The following FGF14 variants were observed in gnomAD, a reference collection of about 807,000 sequenced individuals.
FGF14 encodes the protein fibroblast growth factor 14.
A neutral mutation model predicts 25.5 loss-of-function variants in FGF14; 5 were observed. The ratio of observed to expected loss-of-function variants is 0.20; its 90% CI spans 0.10 to 0.41. The LOEUF (loss-of-function observed/expected upper bound fraction) is 0.41, where lower values mean the gene tolerates loss of function less well. Ranked by LOEUF, FGF14 falls within the 10% of genes least tolerant of loss-of-function variation. The pLI, the probability that FGF14 is intolerant of heterozygous loss-of-function variation, is 1.00. For missense variants in FGF14, 222 were observed against 320.1 expected, an observed-to-expected ratio of 0.69 and a Z score of 2.34; for synonymous variants, 138 against 118.3, an observed-to-expected ratio of 1.17 and a Z score of -1.08.
chr13:101,788,872 CTA>C (rs56084859), intron 3 of FGF14, among the ~76,000 whole-genome samples: 362 of 26,356 alleles, frequency 0.014, 5 homozygotes, highest in African/African-American at 0.016. Flanking sequence ...CCTTTTTTGA[CTA>C]TATATATATA....
At chr13:102,160,426 G>A (rs907030563) in intron 1 of FGF14, among the ~76,000 whole-genome samples, 4 of 152,156 alleles carry the variant, frequency 2.6e-5, no homozygotes, top group Admixed American at 1.3e-4. Context: ...GGGCTGCTAC[G>A]TCCACTACTG....
chr13:102,023,092 C>A (rs2139879139), intron 1 of FGF14, among the ~76,000 whole-genome samples: 1 of 151,446 alleles, frequency 6.6e-6, no homozygotes, highest in East Asian at 2.0e-4. Context: ...AACAGCCACA[C>A]ACAAAATACG....
At chr13:101,756,695 T>C (rs565656694) in intron 3 of FGF14, among the ~76,000 whole-genome samples, 81 of 152,286 alleles carry the variant, frequency 5.3e-4, no homozygotes, top group Middle Eastern at 3.4e-3. Context: ...ATCGTGCCAC[T>C]GCACTCCAGC....
chr13:102,342,540 G>C (rs2056983387), intron 1 of FGF14, among the ~76,000 whole-genome samples: 2 of 152,008 alleles, frequency 1.3e-5, no homozygotes, highest in South Asian at 4.1e-4. Flanking sequence ...TGCAGCAATG[G>C]CAATGACTAA....
At chr13:102,112,983 GA>G (rs2140329420) in intron 1 of FGF14, among the ~76,000 whole-genome samples, 1 of 152,294 alleles carries the variant, frequency 6.6e-6, no homozygotes, top group South Asian at 2.1e-4. Flanking sequence ...TATTTCTACA[GA>G]AAAGGTCAGA....
At chr13:101,932,252 G>A (rs556756311) in intron 1 of FGF14, among the ~76,000 whole-genome samples, 29 of 152,142 alleles carry the variant, frequency 1.9e-4, no homozygotes, top group Admixed American at 5.2e-4. Context: ...ATTCCAGGCC[G>A]GGTGCAGTGG....
intron 1 of FGF14, among the ~76,000 whole-genome samples, chr13:102,330,786 T>G (rs1042657505): frequency 6.6e-6 from 1 of 152,178 alleles, no homozygotes; most frequent in Non-Finnish European, 1.5e-5. Flanking sequence ...AAGCTTCCGT[T>G]ACCATGTGAC....
intron 3 of FGF14, chr13:101,802,380 T>C: frequency 4.9e-6 from 1 of 203,768 alleles, no homozygotes. Flanking sequence ...TAAAGTTGCC[T>C]GGAAAAAGGT....
At chr13:101,835,781 G>A (rs547675756) in intron 3 of FGF14, among the ~76,000 whole-genome samples, 2 of 152,140 alleles carry the variant, frequency 1.3e-5, no homozygotes, top group South Asian at 4.1e-4. Flanking sequence ...ATGGGAATAA[G>A]TGGATGTGCC....
chr13:101,814,407 C>T (rs1222056528), intron 3 of FGF14, among the ~76,000 whole-genome samples: 1 of 152,206 alleles, frequency 6.6e-6, no homozygotes, highest in Non-Finnish European at 1.5e-5. Flanking sequence ...AAAAATGTAT[C>T]TTCACAATAT....
intron 3 of FGF14, among the ~76,000 whole-genome samples, chr13:101,767,173 GTGA>G (rs1186021068): frequency 1.3e-5 from 2 of 152,156 alleles, no homozygotes; most frequent in East Asian, 1.9e-4. Context: ...AGCCACGTAT[GTGA>G]TGATGAATTA....
intron 1 of FGF14, among the ~76,000 whole-genome samples, chr13:101,914,191 T>C (rs1566426534): frequency 6.6e-6 from 1 of 151,162 alleles, no homozygotes; most frequent in East Asian, 1.9e-4. Context: ...TAAGACTTAA[T>C]TAAATGAATA....
chr13:101,762,735 T>A (rs2038109478), intron 3 of FGF14, among the ~76,000 whole-genome samples: 1 of 152,222 alleles, frequency 6.6e-6, no homozygotes, highest in Non-Finnish European at 1.5e-5. Flanking sequence ...CACTTCAGTA[T>A]TAAATACCTG....
At chr13:101,925,778 C>T (rs1305853780) in intron 1 of FGF14, among the ~76,000 whole-genome samples, 1 of 152,170 alleles carries the variant, frequency 6.6e-6, no homozygotes, top group Admixed American at 6.5e-5. Context: ...TTTAAAAATA[C>T]ACATTTATTC....
intron 1 of FGF14, among the ~76,000 whole-genome samples, chr13:102,135,745 T>C (rs945368996): frequency 1.3e-5 from 2 of 152,178 alleles, no homozygotes; most frequent in African/African-American, 4.8e-5. Flanking sequence ...AACCTCTGCC[T>C]CCCAGATTCA....
chr13:101,993,548 A>C (rs1482531730), intron 1 of FGF14, among the ~76,000 whole-genome samples: 1 of 152,092 alleles, frequency 6.6e-6, no homozygotes, highest in East Asian at 1.9e-4. Flanking sequence ...GTATGGCAGC[A>C]GTGTAATAGC....
intron 1 of FGF14, among the ~76,000 whole-genome samples, chr13:101,876,395 C>A (rs1195746307): frequency 6.6e-6 from 1 of 152,148 alleles, no homozygotes; most frequent in Non-Finnish European, 1.5e-5. Context: ...AACCTAGCAC[C>A]TTATAATCAA....
intron 1 of FGF14, among the ~76,000 whole-genome samples, chr13:102,258,056 T>C (rs780912902): frequency 4.6e-5 from 7 of 152,166 alleles, no homozygotes; most frequent in Non-Finnish European, 8.8e-5. Context: ...GTGAAAGGCA[T>C]GTCTTACATG....
chr13:101,822,905 C>A (rs193204795), intron 3 of FGF14, among the ~76,000 whole-genome samples: 1 of 152,308 alleles, frequency 6.6e-6, no homozygotes, highest in Admixed American at 6.5e-5. Context: ...TTCCCAGCCA[C>A]TGGTAACCAT....
Sources: allele counts gnomAD v4.1 joint callset (sites outside exome capture counted in the v4.1 genomes callset), GRCh38; gene constraint gnomAD v4.1.1; transcripts MANE v1.5; gene names NCBI Gene and HGNC (gene_info 2026-07-23, HGNC 2026-07-21).